Variants in CLIC5 observed in about 807,000 individuals in gnomAD.
The protein encoded by CLIC5 is chloride intracellular channel protein 5.
CLIC5 carries 20 observed loss-of-function variants against 24.7 expected under a neutral mutation model. The observed-to-expected ratio is 0.81, with a 90% confidence interval of 0.57 to 1.18. The LOEUF (loss-of-function observed/expected upper bound fraction) is 1.18, where lower values mean the gene tolerates loss of function less well. Ranked by LOEUF, CLIC5 falls within the 50% of genes most tolerant of loss-of-function variation. The pLI, the probability that CLIC5 is intolerant of heterozygous loss-of-function variation, is 0.00. For missense variants in CLIC5, 341 were observed against 326.1 expected (o/e 1.05, Z -0.35); for synonymous variants, 159 against 135.6 (o/e 1.17, Z -1.20).
chr6:46,079,737 G>A lies in CLIC5; in HGVS notation c.506C>T (p.Ala169Val), dbSNP rs1366428817. ...GAGGTAAATCTCAGGGTTCATGTGAGCTCCCTCCTTTTCTTCCAAACCTTC... is the reference window on the plus strand; with the variant it reads ...GAGGTAAATCTCAGGGTTCATGTGAACTCCCTCCTTTTCTTCCAAACCTTC... Residue 169 changes from alanine (A) to valine (V), a missense_variant, in exon 1 of 6, where the codon GCT (alanine) becomes GTT (valine). Physicochemically the swap from Ala to Val is moderately conservative, Grantham distance 64. Coordinates refer to the CLIC5 transcript ENST00000185206. 9 of 1,551,610 alleles carry A rather than the reference G, an allele frequency of 5.8e-6. No individual in the cohort carries two copies. Among genetic ancestry groups the A allele is most frequent in the Non-Finnish European group, 7.8e-6 (9 of 1,146,956 alleles).
intron 5 of CLIC5, chr6:45,912,188 T>G: frequency 1.0e-6 from 1 of 986,812 alleles, no homozygotes; most frequent in Non-Finnish European, 1.2e-6. Flanking sequence ...TGGCTTCCCC[T>G]TCGCTCTTTG....
At chr6:46,112,506 G>T in the CLIC5 span, among the ~76,000 whole-genome samples, 9 of 151,896 alleles carry the variant, frequency 5.9e-5, no homozygotes, top group Non-Finnish European at 1.2e-4. Flanking sequence ...GAATGCCTTT[G>T]GGGGGGTAAT....
intron 1 of CLIC5, among the ~76,000 whole-genome samples, chr6:45,978,730 G>T (rs1765468038): frequency 6.6e-6 from 1 of 152,192 alleles, no homozygotes; most frequent in South Asian, 2.1e-4. Context: ...GCTGAGGCGA[G>T]TGGATCACCT....
At chr6:45,970,242 G>A (rs1037195800) in intron 1 of CLIC5, among the ~76,000 whole-genome samples, 1 of 152,128 alleles carries the variant, frequency 6.6e-6, no homozygotes, top group African/African-American at 2.4e-5. Flanking sequence ...TGAAGACTGT[G>A]GTTAGTCCTG....
At chr6:46,034,906 A>C (rs950156149) in intron 1 of CLIC5, among the ~76,000 whole-genome samples, 7 of 152,202 alleles carry the variant, frequency 4.6e-5, no homozygotes, top group Admixed American at 6.5e-5. Context: ...GTGGGACCGT[A>C]ATAGCTGTAT....
chr6:46,080,331 A>G (rs978806327), exon 1 of CLIC5: 19 of 1,144,122 alleles, frequency 1.7e-5, no homozygotes, highest in Admixed American at 2.7e-5. Context: ...CACCTTGCAG[A>G]GGAATCAACG....
chr6:45,955,067 C>T, intron 2 of CLIC5, 68 bp downstream of exon 2: 3 of 1,193,382 alleles, frequency 2.5e-6, no homozygotes, highest in Admixed American at 1.8e-5. Context: ...AAGGCTTTTG[C>T]CCTCCTTCAT....
intron 5 of CLIC5, chr6:45,911,803 C>A (rs1351696263): frequency 1.7e-5 from 17 of 985,306 alleles, no homozygotes; most frequent in Non-Finnish European, 2.0e-5. Context: ...AAGGAAAGGC[C>A]TGCAGATGCC....
At chr6:46,064,015 C>G (rs1762365596) in intron 1 of CLIC5, among the ~76,000 whole-genome samples, 1 of 152,118 alleles carries the variant, frequency 6.6e-6, no homozygotes, top group South Asian at 2.1e-4. Context: ...ATGCAAATAA[C>G]TAAGAAAATG....
intron 2 of CLIC5, among the ~76,000 whole-genome samples, chr6:45,950,376 C>T (rs1488015212): frequency 6.7e-6 from 1 of 149,508 alleles, no homozygotes; most frequent in East Asian, 2.0e-4. Flanking sequence ...GCCTGGGCAA[C>T]ATAGCAAGAC....
chr6:46,070,487 A>G (rs897796313), intron 1 of CLIC5, among the ~76,000 whole-genome samples: 4 of 152,200 alleles, frequency 2.6e-5, no homozygotes, highest in Non-Finnish European at 4.4e-5. Flanking sequence ...CCACAAAAGA[A>G]TAAAATACCT....
chr6:45,933,217 T>C (rs1180588597), intron 4 of CLIC5, among the ~76,000 whole-genome samples: 2 of 152,158 alleles, frequency 1.3e-5, no homozygotes, highest in Non-Finnish European at 2.9e-5. Flanking sequence ...CACTTTTTTG[T>C]TCCAGCAACA....
In CLIC5 at chr6:45,889,066, A is replaced by G. The variant is rs970541343; in HGVS notation, c.624-7878T>C. On this transcript the variant is annotated intron_variant, in intron 6 of 6. Coordinates refer to the CLIC5 transcript ENST00000644324. Reference sequence around the variant, plus strand: ...AATGGGAGGTGATCCCTATATACCTATAATGAAAGATCCGTCAGTCTGTTA... The same window carrying G: ...AATGGGAGGTGATCCCTATATACCTGTAATGAAAGATCCGTCAGTCTGTTA... 3.3e-5 allele frequency among the ~76,000 whole-genome samples: 5 copies of G among 152,354 alleles called. No individual in the cohort carries two copies. In the East Asian group the frequency reaches 5.8e-4, roughly 18 times the overall value.
intron 5 of CLIC5, chr6:45,911,993 G>A: frequency 9.1e-6 from 9 of 985,640 alleles, no homozygotes; most frequent in Non-Finnish European, 1.1e-5. Flanking sequence ...AGATAAACCT[G>A]AAAGCGAGCC....
chr6:46,029,988 A>G (rs1767452876), intron 1 of CLIC5, among the ~76,000 whole-genome samples: 2 of 152,176 alleles, frequency 1.3e-5, no homozygotes, highest in South Asian at 4.1e-4. Context: ...ATGCCTGGCT[A>G]TAAGTGAGTT....
intron 5 of CLIC5, among the ~76,000 whole-genome samples, chr6:45,908,147 G>A (rs889427424): frequency 3.3e-5 from 5 of 151,938 alleles, no homozygotes; most frequent in Admixed American, 2.0e-4. Context: ...TGCTTATTTG[G>A]ATTTTCTTTT....
rs772707959 is a variant in CLIC5 at position 45,914,246 on chromosome 6, G to A, written c.570C>T (p.Pro190=). The A allele has an allele frequency of 1.9e-6, 3 of 1,599,726 alleles. No homozygotes were observed. Among genetic ancestry groups the A allele is most frequent in the Middle Eastern group, 3.3e-4 (2 of 5,984 alleles). ...CTCTTACCTTGACCACATGGAGCTT[G>A]GGCAACAGATTGCAGTCAGCCAGGG... ...ELTLADCNLL[P]KLHVVKIVAK... Residue 190 remains proline, a synonymous_variant, in exon 5 of 6, where the codon CCC becomes CCT. Transcript: ENST00000339561.
rs554970898 is a variant in CLIC5 at position 45,928,991 on chromosome 6, C to T, written c.406+12556G>A. Among the ~76,000 whole-genome samples, 10 of 152,292 alleles carry T rather than the reference C, an allele frequency of 6.6e-5. 1 individual carries two copies. The highest frequency in any genetic ancestry group is 2.4e-4 in the African/African-American group (10 of 41,554). ...CCAGGCCAGGCCAGGAGAACTCATT[C>T]TGGTCAGACAGCGGGAAATTCCACC... On this transcript the variant is annotated intron_variant, in intron 4 of 5. Transcript: ENST00000339561.
chr6:45,922,964 C>T lies in CLIC5; in HGVS notation c.407-8555G>A, dbSNP rs769255804. Among the ~76,000 whole-genome samples, 4 of 151,990 alleles carry T rather than the reference C, an allele frequency of 2.6e-5. No homozygotes were observed. The East Asian group carries it at 5.8e-4, about 22-fold the overall frequency. ...CCAGACTTTAGCCATGGGGCAGTGG[C>T]GACACCTTCTGGCTTATCCCTGAGC... On this transcript the variant is annotated intron_variant, in intron 4 of 5. Transcript: ENST00000339561.
Sources: gnomAD v4.1 joint callset for allele counts (sites outside exome capture counted in the v4.1 genomes callset) on GRCh38, gnomAD v4.1.1 for gene constraint, MANE v1.5 for transcripts, NCBI Gene and HGNC (gene_info 2026-07-23, HGNC 2026-07-21) for gene names.